YPEL2: variants seen among roughly 807,000 people sequenced by gnomAD.
YPEL2 encodes the protein yippee like 2, also known as protein yippee-like 2.
Under a neutral mutation model 19.1 loss-of-function variants are expected in YPEL2, and 2 were observed. That is an observed-to-expected ratio of 0.10 (90% CI 0.04 to 0.33). The LOEUF is 0.33. Ranked by LOEUF, YPEL2 falls within the 10% of genes least tolerant of loss-of-function variation. YPEL2 has a pLI of 1.00. For missense variants in YPEL2, 66 were observed against 140.7 expected (o/e 0.47, Z 2.68); for synonymous variants, 52 against 50.0 (o/e 1.04, Z -0.17).
At chr17:59,382,549 A>G (rs1002835261) in intron 2 of YPEL2, among the ~76,000 whole-genome samples, 1 of 152,212 alleles carries the variant, frequency 6.6e-6, no homozygotes, top group African/African-American at 2.4e-5. Flanking sequence ...ATATGTACTT[A>G]TTTATGAATT....
At chr17:59,375,021 G>A (rs775390603) in intron 2 of YPEL2, among the ~76,000 whole-genome samples, 4 of 152,206 alleles carry the variant, frequency 2.6e-5, no homozygotes, top group Non-Finnish European at 5.9e-5. Flanking sequence ...GAAGCTCTAA[G>A]GAGAAAGAGC....
intron 2 of YPEL2, among the ~76,000 whole-genome samples, chr17:59,362,268 T>G (rs1299365242): frequency 6.6e-6 from 1 of 151,532 alleles, no homozygotes; most frequent in Non-Finnish European, 1.5e-5. Flanking sequence ...TTCTATGGTT[T>G]TTTTTTTTTT....
intron 4 of YPEL2, among the ~76,000 whole-genome samples, chr17:59,392,137 TG>T (rs2081150434): frequency 6.6e-6 from 1 of 152,214 alleles, no homozygotes; most frequent in Non-Finnish European, 1.5e-5. Context: ...TAAGATCAAG[TG>T]CAGAAAAGTT....
intron 4 of YPEL2, 131 bp downstream of exon 4, chr17:59,389,599 A>G (rs1319972591): frequency 7.4e-6 from 5 of 675,538 alleles, no homozygotes; most frequent in Non-Finnish European, 1.3e-5. Context: ...TCACCTGTCT[A>G]CCACACTCAT....
At chr17:59,354,954 G>T (rs1363122255) in intron 2 of YPEL2, 2 of 145,812 alleles carry the variant, frequency 1.4e-5, no homozygotes, top group African/African-American at 5.2e-5. Flanking sequence ...AGTTGTAGGG[G>T]AATTGTGAGT....
intron 1 of YPEL2, among the ~76,000 whole-genome samples, chr17:59,348,983 G>C (rs1270257119): frequency 6.6e-6 from 1 of 152,034 alleles, no homozygotes; most frequent in South Asian, 2.1e-4. Flanking sequence ...TCAGGAGATC[G>C]AGACCACGGT....
chr17:59,393,940 G>A (rs9900536), intron 4 of YPEL2, among the ~76,000 whole-genome samples: 1,716 of 152,338 alleles, frequency 0.011, 32 homozygotes, highest in African/African-American at 0.038. Context: ...GCAGTCATCC[G>A]ATTTCGCAAT....
At chr17:59,334,393 G>A (rs528894265) in intron 1 of YPEL2, among the ~76,000 whole-genome samples, 21 of 149,002 alleles carry the variant, frequency 1.4e-4, no homozygotes, top group Non-Finnish European at 2.6e-4. Flanking sequence ...TTTTATTTGG[G>A]GGGGGGTGAG....
chr17:59,394,649 C>T (rs547137867), intron 4 of YPEL2, among the ~76,000 whole-genome samples: 7 of 151,628 alleles, frequency 4.6e-5, no homozygotes, highest in East Asian at 2.0e-4. Context: ...AGACGATGGG[C>T]GGCCAGGCAG....
chr17:59,336,506 C>T (rs1449635456), intron 1 of YPEL2, among the ~76,000 whole-genome samples: 1 of 152,204 alleles, frequency 6.6e-6, no homozygotes, highest in Non-Finnish European at 1.5e-5. Flanking sequence ...GGATAATTAG[C>T]TCTGTGACCT....
chr17:59,380,272 CTTTTTT>C (rs548409762), intron 2 of YPEL2, among the ~76,000 whole-genome samples: 3 of 106,410 alleles, frequency 2.8e-5, no homozygotes, highest in African/African-American at 7.9e-5. Context: ...TATCTAACTT[CTTTTTT>C]TTTTTTTTTT....
chr17:59,392,425 CTGTGA>C (rs2048011962), intron 4 of YPEL2, among the ~76,000 whole-genome samples: 1 of 151,674 alleles, frequency 6.6e-6, no homozygotes, highest in Non-Finnish European at 1.5e-5. Flanking sequence ...CTGACAAGTA[CTGTGA>C]TGTGCACAGC....
At chr17:59,385,381 C>G (rs568420961) in intron 2 of YPEL2, among the ~76,000 whole-genome samples, 69 of 152,250 alleles carry the variant, frequency 4.5e-4, no homozygotes, top group African/African-American at 1.7e-3. Context: ...GAGTTTGAGA[C>G]CAGCCTGGGC....
intron 1 of YPEL2, among the ~76,000 whole-genome samples, chr17:59,332,369 C>G (rs2047675397): frequency 6.6e-6 from 1 of 152,214 alleles, no homozygotes; most frequent in South Asian, 2.1e-4. Flanking sequence ...TCGTCTGCCC[C>G]GACCCGGGTC....
chr17:59,341,187 C>T (rs1341710092), intron 1 of YPEL2, among the ~76,000 whole-genome samples: 4 of 150,602 alleles, frequency 2.7e-5, no homozygotes, highest in African/African-American at 9.7e-5. Flanking sequence ...CCGAGGTGGG[C>T]GGAGACCATC....
intron 2 of YPEL2, among the ~76,000 whole-genome samples, chr17:59,368,109 A>C (rs1208652579): frequency 6.6e-6 from 1 of 151,984 alleles, no homozygotes; most frequent in Non-Finnish European, 1.5e-5. Context: ...TTTGAGACAG[A>C]GTCTCACTCT....
At position 59,401,089 on chromosome 17, in the gene YPEL2, C is replaced by T. The variant is rs1051904172; in HGVS notation, c.*3899C>T. 2 of 152,122 alleles carry T rather than the reference C, an allele frequency of 1.3e-5. No homozygotes were observed. Among genetic ancestry groups the T allele is most frequent in the Non-Finnish European group, 2.9e-5 (2 of 68,010 alleles). The allele number at this position is 152,122 out of a possible 1,614,324, so 9.4% of individuals were successfully genotyped here. The stretch of plus-strand genomic sequence containing the variant: ...GCTCCAGCTGTTTTAGAAGCCACAT[C>T]ATGTTAAACATTAACTGGTTTGGAT... On this transcript the variant is annotated 3_prime_UTR_variant, in exon 5 of 5. Transcript: ENST00000312655.
chr17:59,390,886 T>G (rs759254242), intron 4 of YPEL2, among the ~76,000 whole-genome samples: 1 of 152,254 alleles, frequency 6.6e-6, no homozygotes, highest in Non-Finnish European at 1.5e-5. Context: ...GCTACTTAGC[T>G]TCTATGCTAA....
intron 4 of YPEL2, among the ~76,000 whole-genome samples, chr17:59,390,852 A>C (rs1380335920): frequency 6.6e-6 from 1 of 152,138 alleles, no homozygotes; most frequent in Non-Finnish European, 1.5e-5. Context: ...TCCATGACTT[A>C]TTTGTCTGTG....
Sources: allele counts gnomAD v4.1 joint callset (sites outside exome capture counted in the v4.1 genomes callset), GRCh38; gene constraint gnomAD v4.1.1; transcripts MANE v1.5; gene names NCBI Gene and HGNC (gene_info 2026-07-23, HGNC 2026-07-21).